The following ASIC2 variants were observed in gnomAD, a reference collection of about 807,000 sequenced individuals.
ASIC2 encodes the protein acid-sensing ion channel 2.
ASIC2 carries 25 observed loss-of-function variants against 57.3 expected under a neutral mutation model. That is an observed-to-expected ratio of 0.44 (90% CI 0.32 to 0.61). The LOEUF is 0.61. Among genes scored for constraint, ASIC2 ranks in the 20% least tolerant of loss-of-function variants. ASIC2 has a pLI of 0.06. For missense variants in ASIC2, 641 were observed against 738.1 expected, an observed-to-expected ratio of 0.87 and a Z score of 1.52; for synonymous variants, 319 against 307.5, an observed-to-expected ratio of 1.04 and a Z score of -0.39.
intron 1 of ASIC2, among the ~76,000 whole-genome samples, chr17:34,087,861 T>C (rs1910169862): frequency 6.6e-6 from 1 of 152,246 alleles, no homozygotes; most frequent in South Asian, 2.1e-4. Context: ...ATTCTTCACA[T>C]AGTTCTCGAG....
chr17:33,021,367 G>T, intron 6 of ASIC2, 57 bp from the exon 7 acceptor site: 1 of 1,370,068 alleles, frequency 7.3e-7, no homozygotes, highest in Non-Finnish European at 1.0e-6. Flanking sequence ...TTCACAGGGA[G>T]CATCTAATAC....
intron 1 of ASIC2, among the ~76,000 whole-genome samples, chr17:33,405,529 G>T (rs1294596514): frequency 2.0e-5 from 3 of 148,142 alleles, no homozygotes; most frequent in Non-Finnish European, 4.5e-5. Flanking sequence ...TGTTGCCCAG[G>T]CTGCAGAGCA....
At chr17:33,635,769 TTA>T (rs1906339568) in intron 1 of ASIC2, among the ~76,000 whole-genome samples, 1 of 152,202 alleles carries the variant, frequency 6.6e-6, no homozygotes, top group South Asian at 2.1e-4. Context: ...AACTGGAAGC[TTA>T]TGATTCTCCA....
chr17:33,345,279 T>C (rs1907898689), intron 1 of ASIC2, among the ~76,000 whole-genome samples: 1 of 152,204 alleles, frequency 6.6e-6, no homozygotes, highest in African/African-American at 2.4e-5. Flanking sequence ...CCAATAAATA[T>C]TTATTAAGTT....
chr17:33,412,966 G>A (rs974168489), intron 1 of ASIC2, among the ~76,000 whole-genome samples: 2 of 152,128 alleles, frequency 1.3e-5, no homozygotes, highest in Non-Finnish European at 1.5e-5. Context: ...CAAAGCTAAG[G>A]TGCTATGGAC....
Position 33,028,247 on chromosome 17 carries a change from A to C in ASIC2, c.1133T>G (p.Met378Arg). Residue 378 changes from methionine to arginine, a missense_variant, in exon 4 of 10, where the codon ATG (methionine) becomes AGG (arginine). By Grantham distance (91) the Met-to-Arg change is moderately conservative (BLOSUM62 -1). This residue lies in a region of ASIC2 where 252 missense variants were observed against 319.8 expected (regional missense o/e 0.79). Coordinates refer to ENST00000225823, the MANE Select transcript of ASIC2 (RefSeq NM_183377.2). ...CACCCTGCCCTGGCACTGACCTGGC[A>C]TGTGAACCATGCGGCAGTTGCAGTT... ...VENCNCRMVH[M>R]PGDAPFCTPE... The C allele has an allele frequency of 1.9e-6, 3 of 1,613,972 alleles. No individual in the cohort carries two copies. Among genetic ancestry groups the C allele is most frequent in the Non-Finnish European group, 2.5e-6 (3 of 1,180,006 alleles).
intron 1 of ASIC2, among the ~76,000 whole-genome samples, chr17:33,749,492 C>T (rs908734345): frequency 6.6e-6 from 1 of 152,094 alleles, no homozygotes; most frequent in African/African-American, 2.4e-5. Flanking sequence ...GGGTCTCTCA[C>T]ATGGATCTCA....
At chr17:33,213,026 G>A (rs1270169038) in intron 1 of ASIC2, among the ~76,000 whole-genome samples, 2 of 152,172 alleles carry the variant, frequency 1.3e-5, no homozygotes, top group Admixed American at 6.5e-5. Context: ...CAAACTAATC[G>A]TATAAACACA....
Position 33,300,954 on chromosome 17 carries a change from C to T in ASIC2, c.556-188887G>A, listed in dbSNP as rs144705973. 2.8e-4 allele frequency among the ~76,000 whole-genome samples: 43 copies of T among 152,222 alleles called. No homozygotes were observed. In the East Asian group the frequency reaches 3.9e-3, roughly 14 times the overall value. ...TATTTGATAGTTGACATTGATTGAGCATTATCTGTAAGGCACTGTGCTCAG... is the reference window on the plus strand; with the variant it reads ...TATTTGATAGTTGACATTGATTGAGTATTATCTGTAAGGCACTGTGCTCAG... On this transcript the variant is annotated intron_variant, in intron 1 of 9. Coordinates refer to the ASIC2 transcript ENST00000359872.
intron 1 of ASIC2, chr17:33,580,206 G>C (rs1227669373): frequency 6.6e-6 from 1 of 152,138 alleles, no homozygotes; most frequent in Non-Finnish European, 1.5e-5. Flanking sequence ...ACTCCATTCA[G>C]ATGGATATCA....
At chr17:33,481,039 T>G (rs1441427606) in intron 1 of ASIC2, among the ~76,000 whole-genome samples, 1 of 152,222 alleles carries the variant, frequency 6.6e-6, no homozygotes, top group African/African-American at 2.4e-5. Flanking sequence ...CCACTAGTCA[T>G]CATCAGCCAC....
chr17:33,795,935 G>A (rs573269063), intron 1 of ASIC2, among the ~76,000 whole-genome samples: 2 of 152,322 alleles, frequency 1.3e-5, no homozygotes, highest in Middle Eastern at 6.8e-3. Flanking sequence ...TTGAGCACAT[G>A]GCAGAAATTC....
At chr17:33,393,797 A>C (rs1158987420) in intron 1 of ASIC2, among the ~76,000 whole-genome samples, 1 of 152,174 alleles carries the variant, frequency 6.6e-6, no homozygotes, top group Admixed American at 6.5e-5. Context: ...AGAACTCATC[A>C]TCCATGATGT....
intron 1 of ASIC2, among the ~76,000 whole-genome samples, chr17:33,464,504 CTT>C (rs1197763807): frequency 0.034 from 1,318 of 39,146 alleles, 19 homozygotes; most frequent in African/African-American, 0.089. Flanking sequence ...TTCTTTCTTT[CTT>C]TCTTTCTTTC....
At chr17:33,303,011 T>G (rs532074398) in intron 1 of ASIC2, among the ~76,000 whole-genome samples, 1 of 152,306 alleles carries the variant, frequency 6.6e-6, no homozygotes, top group African/African-American at 2.4e-5. Flanking sequence ...AACCATTCAC[T>G]AAGCACTTAC....
intron 1 of ASIC2, among the ~76,000 whole-genome samples, chr17:33,910,679 G>A (rs949919598): frequency 6.6e-6 from 1 of 152,182 alleles, no homozygotes; most frequent in African/African-American, 2.4e-5. Flanking sequence ...CTAGCACATG[G>A]CCTGACACAG....
intron 1 of ASIC2, among the ~76,000 whole-genome samples, chr17:33,239,301 A>T (rs955255352): frequency 6.6e-6 from 1 of 152,092 alleles, no homozygotes; most frequent in African/African-American, 2.4e-5. Context: ...AAAAAAAAAA[A>T]GTCTTTGCTC....
intron 3 of ASIC2, among the ~76,000 whole-genome samples, chr17:33,071,432 CT>C: frequency 6.6e-6 from 1 of 152,304 alleles, no homozygotes; most frequent in East Asian, 1.9e-4. Context: ...TTCAACTTGG[CT>C]TTTTAACAAA....
intron 1 of ASIC2, among the ~76,000 whole-genome samples, chr17:33,952,398 C>T (rs1206739337): frequency 2.0e-5 from 3 of 152,154 alleles, no homozygotes; most frequent in African/African-American, 7.2e-5. Flanking sequence ...CAAGGTACTT[C>T]GCTGAGCTTG....
Sources: gnomAD v4.1 joint callset for allele counts (sites outside exome capture counted in the v4.1 genomes callset) on GRCh38, gnomAD v4.1.1 for gene constraint, gnomAD v4.1.1 regional missense constraint, MANE v1.5 for transcripts, NCBI Gene and HGNC (gene_info 2026-07-23, HGNC 2026-07-21) for gene names.